STEAP1B: variants seen among roughly 807,000 people sequenced by gnomAD.
STEAP1B encodes the protein STEAP family member 1B, also known as STEAP family protein MGC87042.
A neutral mutation model predicts 27.9 loss-of-function variants in STEAP1B; 13 were observed. The observed-to-expected ratio is 0.47, with a 90% confidence interval of 0.30 to 0.74. The LOEUF (loss-of-function observed/expected upper bound fraction) is 0.74, where lower values mean the gene tolerates loss of function less well. Among genes scored for constraint, STEAP1B ranks in the 30% least tolerant of loss-of-function variants. The pLI, the probability that STEAP1B is intolerant of heterozygous loss-of-function variation, is 0.06. For synonymous variants in STEAP1B, 86 were observed against 107.1 expected (o/e 0.80, Z 1.22); for missense variants, 250 against 298.7 (o/e 0.84, Z 1.20).
intron 4 of STEAP1B, among the ~76,000 whole-genome samples, chr7:22,445,655 G>A (rs191114343): frequency 6.6e-6 from 1 of 152,362 alleles, no homozygotes; most frequent in Admixed American, 6.5e-5. Flanking sequence ...TTTCCGGCTT[G>A]GGGGAAGTCC....
chr7:22,461,391 T>C (rs12155448), intron 4 of STEAP1B, among the ~76,000 whole-genome samples: 25,004 of 152,008 alleles, frequency 0.16, 2,149 homozygotes, highest in Non-Finnish European at 0.19. Context: ...AGCCTCCTGA[T>C]AGCTGCCATT....
intron 4 of STEAP1B, among the ~76,000 whole-genome samples, chr7:22,445,071 C>T (rs1193091614): frequency 1.3e-5 from 2 of 152,182 alleles, no homozygotes; most frequent in Admixed American, 6.5e-5. Context: ...GACAGGTTCA[C>T]CTGAAGAATT....
At position 22,455,770 on chromosome 7, in the gene STEAP1B, T is replaced by C. The variant is rs1389672309; in HGVS notation, c.763-35934A>G. On this transcript the variant is annotated intron_variant, in intron 4 of 4. Transcript: ENST00000678116. ...CAATGGTCACCAAGTCATGGTGATA[T>C]GCTTATATAACTGGAATAAAATAAT... Among the ~76,000 whole-genome samples, 3 of 152,254 alleles carry C rather than the reference T, an allele frequency of 2.0e-5. No individual in the cohort carries two copies. The East Asian group carries it at 5.8e-4, about 29-fold the overall frequency.
At chr7:22,447,803 CT>C (rs1785430545) in intron 4 of STEAP1B, among the ~76,000 whole-genome samples, 1 of 152,206 alleles carries the variant, frequency 6.6e-6, no homozygotes, top group Non-Finnish European at 1.5e-5. Context: ...GCATTGCCAC[CT>C]AGTACTTCGG....
At chr7:22,471,939 C>T (rs1785893257) in intron 4 of STEAP1B, among the ~76,000 whole-genome samples, 1 of 139,814 alleles carries the variant, frequency 7.2e-6, no homozygotes, top group African/African-American at 2.7e-5. Flanking sequence ...TGCTAACGTA[C>T]ATCATTTGAG....
intron 4 of STEAP1B, among the ~76,000 whole-genome samples, chr7:22,468,500 T>C (rs1785824973): frequency 3.3e-5 from 5 of 152,246 alleles, no homozygotes; most frequent in African/African-American, 9.6e-5. Flanking sequence ...TTTTAAAAAG[T>C]TGAATATACA....
chr7:22,436,068 C>T (rs1228133362), intron 4 of STEAP1B, among the ~76,000 whole-genome samples: 1 of 152,222 alleles, frequency 6.6e-6, no homozygotes, highest in Non-Finnish European at 1.5e-5. Context: ...AATTCCTTAA[C>T]ATCTCTAAGC....
chr7:22,488,072 G>A (rs11761760), intron 4 of STEAP1B, among the ~76,000 whole-genome samples: 71,288 of 151,844 alleles, frequency 0.47, 17,301 homozygotes, highest in African/African-American at 0.58. Flanking sequence ...AAACTGCTGT[G>A]GCTGCACATA....
At chr7:22,457,434 A>G (rs1170409022) in intron 4 of STEAP1B, among the ~76,000 whole-genome samples, 1 of 152,162 alleles carries the variant, frequency 6.6e-6, no homozygotes, top group Admixed American at 6.5e-5. Flanking sequence ...TGGTGAAGCC[A>G]TTGTAGTAAT....
At chr7:22,440,321 T>C (rs1785313616) in intron 4 of STEAP1B, among the ~76,000 whole-genome samples, 1 of 152,174 alleles carries the variant, frequency 6.6e-6, no homozygotes, top group African/African-American at 2.4e-5. Flanking sequence ...TGGAATATAA[T>C]TAAAAGTCCT....
intron 4 of STEAP1B, among the ~76,000 whole-genome samples, chr7:22,442,333 G>C (rs1785346097): frequency 6.6e-6 from 1 of 152,264 alleles, no homozygotes; most frequent in African/African-American, 2.4e-5. Context: ...CCAGATGCAA[G>C]AAGTCAAGAC....
intron 4 of STEAP1B, among the ~76,000 whole-genome samples, chr7:22,452,614 A>G (rs1785509372): frequency 6.6e-6 from 1 of 152,214 alleles, no homozygotes; most frequent in South Asian, 2.1e-4. Context: ...CAGAGAAAGG[A>G]TAAATGACTT....
intron 4 of STEAP1B, among the ~76,000 whole-genome samples, chr7:22,441,046 T>G (rs1482119027): frequency 6.6e-6 from 1 of 151,244 alleles, no homozygotes; most frequent in Non-Finnish European, 1.5e-5. Flanking sequence ...TAATAAAAAT[T>G]TTTTTCTAAA....
rs114562343 is a variant in STEAP1B at position 22,467,322 on chromosome 7, T to C, written c.762+25243A>G. On this transcript the variant is annotated intron_variant, in intron 4 of 4. Transcript: ENST00000678116. ...TAAAAGCCTGCCAGCTCCCAATTAG[T>C]CTGCTGTCTTACAAGTCAGAACAGT... 6.8e-3 allele frequency among the ~76,000 whole-genome samples: 1,030 copies of C among 152,308 alleles called. 8 individuals carry two copies. Among genetic ancestry groups the C allele is most frequent in the African/African-American group, 0.024 (978 of 41,568 alleles).
intron 4 of STEAP1B, among the ~76,000 whole-genome samples, chr7:22,462,707 T>C (rs867178033): frequency 1.1e-4 from 17 of 151,348 alleles, no homozygotes; most frequent in African/African-American, 4.1e-4. Context: ...TGCATGTGTC[T>C]TTATAGCAGC....
intron 4 of STEAP1B, among the ~76,000 whole-genome samples, chr7:22,475,881 G>A (rs28452566): frequency 0.3 from 45,457 of 152,102 alleles, 6,966 homozygotes; most frequent in East Asian, 0.43. Flanking sequence ...TGAAAATGCC[G>A]TAGAAACTGT....
At chr7:22,438,904 C>T in intron 4 of STEAP1B, 1 of 1,165,542 alleles carries the variant, frequency 8.6e-7, no homozygotes, top group Non-Finnish European at 1.1e-6. Flanking sequence ...TATTTGGTGA[C>T]ATTTTTATTT....
intron 4 of STEAP1B, among the ~76,000 whole-genome samples, chr7:22,470,789 T>C (rs1020294605): frequency 6.6e-6 from 1 of 152,184 alleles, no homozygotes; most frequent in Non-Finnish European, 1.5e-5. Flanking sequence ...GTATTGAAGA[T>C]GTTAACATAA....
chr7:22,448,773 T>C (rs1282122826), intron 4 of STEAP1B, among the ~76,000 whole-genome samples: 2 of 152,144 alleles, frequency 1.3e-5, no homozygotes, highest in Non-Finnish European at 2.9e-5. Context: ...AAAGAGTACA[T>C]GTGGAAGTCT....
Sources: allele counts gnomAD v4.1 joint callset (sites outside exome capture counted in the v4.1 genomes callset), GRCh38; gene constraint gnomAD v4.1.1; transcripts MANE v1.5; gene names NCBI Gene and HGNC (gene_info 2026-07-23, HGNC 2026-07-21).